NCOA1: variants seen among roughly 807,000 people sequenced by gnomAD.
NCOA1 encodes the protein Hin-2 protein.
Under a neutral mutation model 150.9 loss-of-function variants are expected in NCOA1, and 35 were observed. That is an observed-to-expected ratio of 0.23 (90% confidence interval 0.18 to 0.31). The LOEUF (loss-of-function observed/expected upper bound fraction) is 0.31. Ranked by LOEUF, NCOA1 falls within the 10% of genes least tolerant of loss-of-function variation. The pLI is 1.00. For synonymous variants in NCOA1, 590 were observed against 630.0 expected (o/e 0.94, Z 0.95); for missense variants, 1,491 against 1,749.3 (o/e 0.85, Z 2.63).
chr2:24,522,413 A>C (rs1317414243), intron 1 of NCOA1, among the ~76,000 whole-genome samples: 1 of 152,228 alleles, frequency 6.6e-6, no homozygotes, highest in African/African-American at 2.4e-5. Context: ...CCTCATAAAA[A>C]TGAAGAAAAT....
At position 24,529,051 on chromosome 2, in the gene NCOA1, T is replaced by A. The variant is rs1253489014; in HGVS notation, c.-395-35244T>A. Among the ~76,000 whole-genome samples the A allele has an allele frequency of 2.6e-5, 4 of 152,196 alleles. No individual in the cohort carries two copies. In the East Asian group the frequency reaches 7.7e-4, roughly 29 times the overall value. ...ACAGGCGCCCGCCACCACGCCTGGC[T>A]AATTTTTTGTATATTTAGTAGAGAC... On this transcript the variant is annotated intron_variant, in intron 1 of 22. Coordinates refer to ENST00000348332, the MANE Select transcript of NCOA1 (RefSeq NM_003743.5).
At chr2:24,724,100 G>A (rs1315384082) in intron 14 of NCOA1, among the ~76,000 whole-genome samples, 14 of 151,864 alleles carry the variant, frequency 9.2e-5, no homozygotes, top group Non-Finnish European at 2.1e-4. Context: ...GTTTTGTTTT[G>A]TTTTGTTTTG....
chr2:24,502,777 C>CT (rs1447002510), intron 1 of NCOA1, among the ~76,000 whole-genome samples: 1 of 152,258 alleles, frequency 6.6e-6, no homozygotes, highest in East Asian at 1.9e-4. Flanking sequence ...CTAGTCTATG[C>CT]TTTTTGAAAT....
At position 24,639,906 on chromosome 2, in the gene NCOA1, A is replaced by ATATGTG. The variant is rs1197259225; in HGVS notation, c.-174-4059_-174-4058insATGTGT. Among the ~76,000 whole-genome samples, 15 of 19,772 alleles carry ATATGTG rather than the reference A, an allele frequency of 7.6e-4. 1 individual carries two copies. The highest frequency in any genetic ancestry group is 1.6e-3 in the African/African-American group (15 of 9,472). The allele number at this position is 19,772 out of a possible 152,430, so 13.0% of individuals were successfully genotyped here. On this transcript the variant is annotated intron_variant, in intron 3 of 22. Coordinates refer to ENST00000348332, the MANE Select transcript of NCOA1 (RefSeq NM_003743.5). ...CTGTCTCAAAAAAAAAAAAAAAAGT[A>ATATGTG]TGTGTGTGTGTATATATATATATAT...
chr2:24,689,543 C>T (rs371890414), intron 8 of NCOA1, among the ~76,000 whole-genome samples: 11 of 152,106 alleles, frequency 7.2e-5, no homozygotes, highest in Admixed American at 7.2e-4. Flanking sequence ...TAGGTGCCCG[C>T]CACCACACCT....
At chr2:24,695,876 C>T (rs980124129) in intron 10 of NCOA1, among the ~76,000 whole-genome samples, 1 of 152,170 alleles carries the variant, frequency 6.6e-6, no homozygotes, top group African/African-American at 2.4e-5. Context: ...CTCTCATGCT[C>T]TCTGGTGGGG....
chr2:24,531,920 T>C (rs1427304583), intron 1 of NCOA1, among the ~76,000 whole-genome samples: 3 of 152,220 alleles, frequency 2.0e-5, no homozygotes, highest in Non-Finnish European at 2.9e-5. Context: ...TAAACATACG[T>C]GTGCATGTGT....
intron 14 of NCOA1, among the ~76,000 whole-genome samples, chr2:24,721,125 C>T (rs1212362110): frequency 6.6e-6 from 1 of 152,208 alleles, no homozygotes; most frequent in Non-Finnish European, 1.5e-5. Flanking sequence ...AAAACTAAAT[C>T]TTCAGCTATG....
chr2:24,630,565 C>T (rs1356044756), intron 3 of NCOA1, among the ~76,000 whole-genome samples: 2 of 152,170 alleles, frequency 1.3e-5, no homozygotes, highest in African/African-American at 4.8e-5. Context: ...GGAATTCTTG[C>T]CACTTACTAA....
In NCOA1 at chr2:24,528,344, C is replaced by CTTTTTTTCT. The variant is rs1553423965; in HGVS notation, c.-395-35944_-395-35943insCTTTTTTTT. On this transcript the variant is annotated intron_variant, in intron 1 of 22. Coordinates refer to ENST00000348332, the MANE Select transcript of NCOA1 (RefSeq NM_003743.5). ...CGTCAAATAAGGGTCCAATTTCATT[C>CTTTTTTTCT]TTTTTTTTTTTTTTTTTTCTGAGAC... Among the ~76,000 whole-genome samples, 440 of 125,852 alleles carry CTTTTTTTCT rather than the reference C, an allele frequency of 3.5e-3. 3 individuals are homozygous for CTTTTTTTCT. Among genetic ancestry groups the CTTTTTTTCT allele is most frequent in the African/African-American group, 0.013 (421 of 33,558 alleles). The allele number at this position is 125,852 out of a possible 152,430, so 82.6% of individuals were successfully genotyped here.
At chr2:24,714,084 CAG>C (rs1673899222) in intron 14 of NCOA1, among the ~76,000 whole-genome samples, 1 of 152,140 alleles carries the variant, frequency 6.6e-6, no homozygotes, top group African/African-American at 2.4e-5. Flanking sequence ...CCTGACCAAT[CAG>C]AGTCGGTAGA....
chr2:24,682,809 C>A, intron 7 of NCOA1, 142 bp from the exon 8 acceptor site: 1 of 485,772 alleles, frequency 2.1e-6, no homozygotes, highest in Non-Finnish European at 3.1e-6. Flanking sequence ...ATGTCTCTCT[C>A]TCCTGCGTAT....
At chr2:24,517,656 A>G (rs1305907095) in intron 1 of NCOA1, among the ~76,000 whole-genome samples, 2 of 152,218 alleles carry the variant, frequency 1.3e-5, no homozygotes, top group East Asian at 3.8e-4. Flanking sequence ...GGTTGTTCTT[A>G]GGAAGATTTT....
At chr2:24,630,874 T>G (rs1254703260) in intron 3 of NCOA1, among the ~76,000 whole-genome samples, 1 of 152,226 alleles carries the variant, frequency 6.6e-6, no homozygotes, top group Non-Finnish European at 1.5e-5. Flanking sequence ...TTGTAAAGTC[T>G]ATGGGAAAGT....
At chr2:24,755,269 G>A (rs1664444019) in intron 20 of NCOA1, among the ~76,000 whole-genome samples, 2 of 152,238 alleles carry the variant, frequency 1.3e-5, no homozygotes, top group African/African-American at 4.8e-5. Context: ...TCTCTCTGGT[G>A]GCAAGAGAAA....
intron 1 of NCOA1, among the ~76,000 whole-genome samples, chr2:24,499,535 T>C (rs1663365487): frequency 6.6e-6 from 1 of 152,230 alleles, no homozygotes; most frequent in Non-Finnish European, 1.5e-5. Context: ...ATTGACTTTT[T>C]TTTTTAAGCA....
intron 1 of NCOA1, among the ~76,000 whole-genome samples, chr2:24,534,076 CTT>C (rs1340985478): frequency 3.0e-5 from 4 of 131,632 alleles, no homozygotes; most frequent in Non-Finnish European, 6.8e-5. Flanking sequence ...TGGTCCTGGA[CTT>C]TTTTTTGGTT....
At chr2:24,655,977 A>G (rs1353393429) in intron 4 of NCOA1, among the ~76,000 whole-genome samples, 2 of 151,516 alleles carry the variant, frequency 1.3e-5, no homozygotes, top group Non-Finnish European at 2.9e-5. Context: ...AGTCCCAGCT[A>G]CTCGGGAGGC....
At chr2:24,573,267 TGATA>T (rs1255365705) in intron 2 of NCOA1, among the ~76,000 whole-genome samples, 2 of 152,132 alleles carry the variant, frequency 1.3e-5, no homozygotes, top group African/African-American at 2.4e-5. Context: ...TCAAGTGCTG[TGATA>T]GATACTTTAT....
Sources: allele counts gnomAD v4.1 joint callset (sites outside exome capture counted in the v4.1 genomes callset), GRCh38; gene constraint gnomAD v4.1.1; transcripts MANE v1.5; gene names NCBI Gene and HGNC (gene_info 2026-07-23, HGNC 2026-07-21).